The following BICDL1 variants were observed in gnomAD, a reference collection of about 807,000 sequenced individuals.
BICDL1 encodes the protein BICD family like cargo adaptor 1.
In BICDL1, 20 loss-of-function variants were observed where a neutral mutation model predicts 76.8. The observed-to-expected ratio is 0.26, with a 90% CI of 0.18 to 0.38. The LOEUF (loss-of-function observed/expected upper bound fraction) is 0.38, where lower values mean the gene tolerates loss of function less well. BICDL1 is among the 10% of genes least tolerant of loss of function. The pLI, the probability that BICDL1 is intolerant of heterozygous loss-of-function variation, is 1.00. For synonymous variants in BICDL1, 383 were observed against 337.1 expected, an observed-to-expected ratio of 1.14 and a Z score of -1.49; for missense variants, 700 against 798.6, an observed-to-expected ratio of 0.88 and a Z score of 1.49.
At chr12:120,016,899 A>G (rs1011129216) in intron 2 of BICDL1, among the ~76,000 whole-genome samples, 1 of 151,220 alleles carries the variant, frequency 6.6e-6, no homozygotes, top group Admixed American at 6.6e-5. Context: ...ACTTTATTTT[A>G]TTTCATTTTT....
Position 119,989,815 on chromosome 12 carries a change from A to T in BICDL1, c.-54A>T. On this transcript the variant is annotated 5_prime_UTR_variant, in exon 1 of 10. Coordinates refer to ENST00000548673, the MANE Select transcript of BICDL1 (RefSeq NM_001367886.1). Reference sequence around the variant, plus strand: ...GCGCGGCAGGGCCCCTCCCCCCTGCAGCCTGGCGCGCGCGGGCCGGGCCGC... The same window carrying T: ...GCGCGGCAGGGCCCCTCCCCCCTGCTGCCTGGCGCGCGCGGGCCGGGCCGC... The T allele has an allele frequency of 1.0e-6, 1 of 978,454 alleles. No homozygotes were observed. The highest frequency in any genetic ancestry group is 1.3e-6 in the Non-Finnish European group (1 of 799,520). The allele number at this position is 978,454 out of a possible 1,614,324, so 60.6% of individuals were successfully genotyped here.
intron 9 of BICDL1, chr12:120,091,170 C>T: frequency 8.3e-7 from 1 of 1,205,032 alleles, no homozygotes. Context: ...CAGCTCCCTC[C>T]TCCATCACAG....
At chr12:120,070,588 A>G (rs1873009509) in intron 4 of BICDL1, among the ~76,000 whole-genome samples, 1 of 152,234 alleles carries the variant, frequency 6.6e-6, no homozygotes, top group South Asian at 2.1e-4. Flanking sequence ...CAAAAAAATT[A>G]GCATATTTTC....
At chr12:120,048,120 T>C (rs542839822) in intron 2 of BICDL1, among the ~76,000 whole-genome samples, 2 of 152,304 alleles carry the variant, frequency 1.3e-5, no homozygotes, top group South Asian at 4.1e-4. Flanking sequence ...CTTTGTTTGA[T>C]GTTATCAACA....
intron 3 of BICDL1, among the ~76,000 whole-genome samples, chr12:120,064,090 G>A (rs1428280591): frequency 6.6e-6 from 1 of 152,172 alleles, no homozygotes; most frequent in East Asian, 1.9e-4. Flanking sequence ...TCAGGTAAAA[G>A]TTACTCTGAG....
intron 7 of BICDL1, among the ~76,000 whole-genome samples, chr12:120,078,389 AT>A (rs1297818265): frequency 1.3e-5 from 2 of 152,202 alleles, no homozygotes; most frequent in African/African-American, 4.8e-5. Flanking sequence ...TGACTTTTGA[AT>A]GTTTTCTTTG....
rs184958354 is a variant in BICDL1, at chr12:120,090,401, T to C, written c.1704+330T>C. Among the ~76,000 whole-genome samples, 14 of 152,200 alleles carry C rather than the reference T, an allele frequency of 9.2e-5. No homozygotes were observed. The East Asian group carries it at 1.2e-3, about 13-fold the overall frequency. On this transcript the variant is annotated intron_variant, in intron 9 of 9. Transcript: ENST00000548673. ...TAACATGGAGGCCCAGGAAGCTCAG[T>C]ATAATTGCATGAAAATTCACAGCGG...
At chr12:120,028,778 C>T (rs1952361275) in intron 2 of BICDL1, among the ~76,000 whole-genome samples, 2 of 152,180 alleles carry the variant, frequency 1.3e-5, no homozygotes, top group Admixed American at 6.6e-5. Context: ...AAGGCTTAGG[C>T]TAGAGGAGCT....
At chr12:120,051,151 A>G (rs1348764979) in intron 2 of BICDL1, among the ~76,000 whole-genome samples, 1 of 151,578 alleles carries the variant, frequency 6.6e-6, no homozygotes, top group African/African-American at 2.4e-5. Context: ...GGGTTCAAGC[A>G]ATTCTCCTGC....
At chr12:120,087,759 A>G (rs879900587) in intron 8 of BICDL1, among the ~76,000 whole-genome samples, 11 of 152,234 alleles carry the variant, frequency 7.2e-5, no homozygotes, top group Non-Finnish European at 1.6e-4. Flanking sequence ...TTTCTTTTGC[A>G]TTGAACAGCC....
chr12:120,062,415 C>T (rs1225057203), intron 3 of BICDL1, among the ~76,000 whole-genome samples: 3 of 152,040 alleles, frequency 2.0e-5, no homozygotes, highest in Non-Finnish European at 4.4e-5. Context: ...GATCTTATCA[C>T]CAGCCCAAAC....
At chr12:120,023,324 T>A (rs1277049905) in intron 2 of BICDL1, among the ~76,000 whole-genome samples, 1 of 152,228 alleles carries the variant, frequency 6.6e-6, no homozygotes, top group African/African-American at 2.4e-5. Flanking sequence ...ATCTAAACAG[T>A]ACTTCTCTGG....
Position 120,064,753 on chromosome 12 carries a change from G to A in BICDL1, c.783G>A (p.Arg261=). ...TTCAGATCAAGATGCTGTCAGATCG[G>A]AAACGGGAGCTGGAGCATCGTCTCA... ...LQAEIKMLSD[R]KRELEHRLSA... is the part of the protein sequence containing the mutation. Residue 261 remains arginine, a synonymous_variant, in exon 4 of 10, where the codon CGG becomes CGA. Transcript: ENST00000548673. 6.2e-7 allele frequency: 1 copy of A among 1,612,198 alleles called. No individual in the cohort carries two copies. The highest frequency in any genetic ancestry group is 8.5e-7 in the Non-Finnish European group (1 of 1,179,170).
At position 120,093,492 on chromosome 12, in the gene BICDL1, C is replaced by T. The variant is rs533815165; in HGVS notation, c.*331C>T. ...TTTGCAGCTCACACCCAACAGATCG[C>T]AGCCCACCCCCAGGCACTGCTGCCT... On this transcript the variant is annotated 3_prime_UTR_variant, in exon 10 of 10. Transcript: ENST00000548673. 9 of 303,400 alleles carry T rather than the reference C, an allele frequency of 3.0e-5. No homozygotes were observed. Among genetic ancestry groups the T allele is most frequent in the Admixed American group, 1.4e-4 (3 of 21,226 alleles). 18.8% of individuals were successfully genotyped at this position (303,400 alleles called of 1,614,324 possible).
intron 1 of BICDL1, chr12:119,992,293 G>A (rs1951540098): frequency 6.6e-6 from 1 of 152,194 alleles, no homozygotes; most frequent in South Asian, 2.1e-4. Context: ...TGTTTTATTT[G>A]ACACCTCCGG....
intron 9 of BICDL1, chr12:120,090,770 C>T (rs915613038): frequency 1.5e-6 from 1 of 672,966 alleles, no homozygotes; most frequent in Non-Finnish European, 2.3e-6. Flanking sequence ...GTGACCATTC[C>T]TCCCAGGGCC....
rs761590742 is a variant in BICDL1 at position 120,064,722 on chromosome 12, C to A, written c.763-11C>A. The A allele has an allele frequency of 1.2e-6, 2 of 1,600,536 alleles. No homozygotes were observed. Among genetic ancestry groups the A allele is most frequent in the African/African-American group, 2.7e-5 (2 of 74,438 alleles). ...ACTCCACACCACCCCTGTGGCTCTC[C>A]ACCCTTTCAGATCAAGATGCTGTCA... On this transcript the variant is annotated splice_polypyrimidine_tract_variant and intron_variant, in intron 3 of 9. Transcript: ENST00000548673.
At chr12:120,064,690 G>A (rs775755650) in intron 3 of BICDL1, 43 bp from the exon 4 acceptor site, 69 of 1,559,604 alleles carry the variant, frequency 4.4e-5, no homozygotes, top group South Asian at 1.2e-4. Flanking sequence ...TTGTCAGCCC[G>A]GGTGTAACTC....
intron 2 of BICDL1, among the ~76,000 whole-genome samples, chr12:120,007,444 A>T (rs1951870876): frequency 6.6e-6 from 1 of 152,124 alleles, no homozygotes; most frequent in South Asian, 2.1e-4. Flanking sequence ...TTCAGACAAG[A>T]GTGTCCCCCA....
Sources: allele counts gnomAD v4.1 joint callset (sites outside exome capture counted in the v4.1 genomes callset), GRCh38; gene constraint gnomAD v4.1.1; transcripts MANE v1.5; gene names NCBI Gene and HGNC (gene_info 2026-07-23, HGNC 2026-07-21).